The following TOPBP1 variants were observed in gnomAD, a reference collection of about 807,000 sequenced individuals.
The protein encoded by TOPBP1 is DNA topoisomerase 2-binding protein 1.
Under a neutral mutation model 167.7 loss-of-function variants are expected in TOPBP1, and 28 were observed. That is an observed-to-expected ratio of 0.17 (90% CI 0.12 to 0.23). TOPBP1 has a LOEUF of 0.23. TOPBP1 is among the 10% of genes least tolerant of loss of function. TOPBP1 has a pLI of 1.00. For missense variants in TOPBP1, 1,554 were observed against 1,809.6 expected (o/e 0.86, Z 2.56); for synonymous variants, 598 against 611.4 (o/e 0.98, Z 0.32).
chr3:133,627,731 G>A (rs1935312894), intron 16 of TOPBP1, among the ~76,000 whole-genome samples: 1 of 152,276 alleles, frequency 6.6e-6, no homozygotes, highest in South Asian at 2.1e-4. Context: ...GCTAGTGGAG[G>A]AGTACAGTCA....
At chr3:133,650,075 T>C in intron 8 of TOPBP1, 132 bp from the exon 9 acceptor site, 1 of 763,430 alleles carries the variant, frequency 1.3e-6, no homozygotes, top group Middle Eastern at 4.2e-4. Flanking sequence ...AATAAATACA[T>C]TCTGAAACTT....
At chr3:133,655,541 G>T in intron 5 of TOPBP1, 55 bp from the exon 6 acceptor site, 1 of 1,004,794 alleles carries the variant, frequency 1.0e-6, no homozygotes, top group Non-Finnish European at 1.3e-6. Context: ...GAAGAATAAT[G>T]AAAAACAACA....
At position 133,628,662 on chromosome 3, in the gene TOPBP1, T is replaced by C. The variant is rs1328694499; in HGVS notation, c.2592A>G (p.Ser864=). ...GTTGCAAGTTTTTGACAATAACTTCTGAGAGTGGCGTACTCGGTTTCCTTT... is the reference window on the plus strand; with the variant it reads ...GTTGCAAGTTTTTGACAATAACTTCCGAGAGTGGCGTACTCGGTTTCCTTT... The part of the protein sequence containing the change: ...QQKRKPSTPL[S]EVIVKNLQLA... The change falls in exon 15 of 28, where the codon TCA becomes TCG. Residue 864 remains serine (S), a synonymous_variant. Transcript: ENST00000260810. 5.7e-6 allele frequency: 9 copies of C among 1,580,692 alleles called. No individual in the cohort carries two copies. The highest frequency in any genetic ancestry group is 7.7e-6 in the Non-Finnish European group (9 of 1,162,280).
chr3:133,600,595 G>C lies in TOPBP1; in HGVS notation c.*655C>G, dbSNP rs1934256471. The C allele has an allele frequency of 6.6e-6, 1 of 152,630 alleles. No homozygotes were observed. The highest frequency in any genetic ancestry group is 6.5e-5 in the Admixed American group (1 of 15,274). 9.5% of individuals were successfully genotyped at this position (152,630 alleles called of 1,614,324 possible). On this transcript the variant is annotated 3_prime_UTR_variant, in exon 28 of 28. Coordinates refer to ENST00000260810, the MANE Select transcript of TOPBP1 (RefSeq NM_007027.4). ...GTTTTGTTGCTTCAACAGAAGAACA[G>C]ATGCCAGGGTGCTCTTTTAAAAAAT...
chr3:133,657,221 G>C (rs1936504690), intron 4 of TOPBP1, among the ~76,000 whole-genome samples: 1 of 151,392 alleles, frequency 6.6e-6, no homozygotes, highest in African/African-American at 2.4e-5. Context: ...GTGCATGCCT[G>C]TAATTCCAGC....
At chr3:133,622,185 G>GTTT (rs398052284) in intron 19 of TOPBP1, among the ~76,000 whole-genome samples, 3,486 of 106,320 alleles carry the variant, frequency 0.033, 243 homozygotes, top group African/African-American at 0.092. Context: ...CACCATTTAT[G>GTTT]TTTTTTTTTT....
rs1935745633 is a variant in TOPBP1 at position 133,638,179 on chromosome 3, AAAAG to A, written c.2234-21_2234-18del. 1 of 1,608,674 alleles carries A rather than the reference AAAAG, an allele frequency of 6.2e-7. No homozygotes were observed. Among genetic ancestry groups the A allele is most frequent in the Admixed American group, 1.7e-5 (1 of 59,590 alleles). On this transcript the variant is annotated intron_variant, in intron 13 of 27. Transcript: ENST00000260810. ...AACTTCGTTCTAGAGATTTAAAATG[AAAAG>A]AAACAAATATGAGCCACTAATGCCC...
chr3:133,652,339 T>C, intron 8 of TOPBP1, 124 bp downstream of exon 8: 2 of 980,122 alleles, frequency 2.0e-6, no homozygotes, highest in South Asian at 1.5e-5. Context: ...TGCATCTACT[T>C]AGCTAGAGTG....
At chr3:133,661,340 T>C (rs1936706349) in intron 1 of TOPBP1, among the ~76,000 whole-genome samples, 1 of 152,128 alleles carries the variant, frequency 6.6e-6, no homozygotes, top group African/African-American at 2.4e-5. Context: ...TCCTTGCAAA[T>C]CAGACAGCAA....
At chr3:133,615,855 C>T (rs1412760728) in intron 23 of TOPBP1, among the ~76,000 whole-genome samples, 1 of 152,188 alleles carries the variant, frequency 6.6e-6, no homozygotes. Flanking sequence ...AATCCTCCTA[C>T]CTCAGCCCCC....
rs760344240 is a variant in TOPBP1, at chr3:133,640,020, A to C, written c.2172T>G (p.Thr724=). 1.9e-6 allele frequency: 3 copies of C among 1,613,946 alleles called. No homozygotes were observed. Residue 724 remains threonine (T), a synonymous_variant, in exon 13 of 28, where the codon ACT becomes ACG. Coordinates refer to ENST00000260810, the MANE Select transcript of TOPBP1 (RefSeq NM_007027.4). ...CGTCTGCTCTCTTTCCCGTTCTAGC[A>C]GTCTCCAACAGCCAAGCTATAGTAA... ...PAVTIAWLLE[T]ARTGKRADES...
chr3:133,614,344 A>G (rs758750522), intron 23 of TOPBP1, among the ~76,000 whole-genome samples: 25 of 152,188 alleles, frequency 1.6e-4, no homozygotes, highest in Admixed American at 4.6e-4. Flanking sequence ...CAAGAAGGTA[A>G]AATTCCATAT....
At chr3:133,631,513 T>C (rs1935479108) in intron 14 of TOPBP1, among the ~76,000 whole-genome samples, 1 of 152,168 alleles carries the variant, frequency 6.6e-6, no homozygotes, top group Admixed American at 6.5e-5. Context: ...CCTTTTGATA[T>C]GGTTTGGATT....
intron 24 of TOPBP1, among the ~76,000 whole-genome samples, chr3:133,611,708 T>C (rs1005283136): frequency 1.3e-5 from 2 of 152,194 alleles, no homozygotes; most frequent in African/African-American, 2.4e-5. Context: ...CTGGCCATAT[T>C]TGGTTATTTC....
At chr3:133,637,561 C>A (rs1935719986) in intron 14 of TOPBP1, among the ~76,000 whole-genome samples, 1 of 152,120 alleles carries the variant, frequency 6.6e-6, no homozygotes, top group African/African-American at 2.4e-5. Context: ...ATTTTCAGAG[C>A]AAATATTATC....
intron 23 of TOPBP1, among the ~76,000 whole-genome samples, chr3:133,613,456 A>T (rs10512903): frequency 0.14 from 21,290 of 152,238 alleles, 1,831 homozygotes; most frequent in Non-Finnish European, 0.2. Context: ...GCAGTTTTCA[A>T]GCACCGAATA....
In TOPBP1 at chr3:133,601,271, G is replaced by A. The variant is rs1378090489; in HGVS notation, c.4548C>T (p.Ile1516=). ...GCGATTAGTGTACTCTAGGTCGTTT[G>A]ATTTTATTTTTTTCTGTAGGAGCTT... The part of the protein sequence containing the change: ...KRKAPTEKNK[I]KRPRVH The change falls in exon 28 of 28, where the codon ATC becomes ATT. Residue 1516 remains isoleucine (I), a synonymous_variant. Coordinates refer to ENST00000260810, the MANE Select transcript of TOPBP1 (RefSeq NM_007027.4). 6.2e-7 allele frequency: 1 copy of A among 1,604,588 alleles called. No homozygotes were observed. Among genetic ancestry groups the A allele is most frequent in the Admixed American group, 1.7e-5 (1 of 57,618 alleles).
At chr3:133,653,308 T>C in intron 7 of TOPBP1, 37 bp downstream of exon 7, 1 of 1,507,066 alleles carries the variant, frequency 6.6e-7, no homozygotes, top group South Asian at 1.4e-5. Context: ...AATATGACTG[T>C]CTTCAGAATA....
intron 14 of TOPBP1, among the ~76,000 whole-genome samples, chr3:133,637,577 T>C (rs1035697879): frequency 2.6e-5 from 4 of 152,212 alleles, no homozygotes; most frequent in African/African-American, 9.6e-5. Flanking sequence ...TTATCTTCTT[T>C]GTATGAAAAA....
Sources: gnomAD v4.1 joint callset for allele counts (sites outside exome capture counted in the v4.1 genomes callset) on GRCh38, gnomAD v4.1.1 for gene constraint, MANE v1.5 for transcripts, NCBI Gene and HGNC (gene_info 2026-07-23, HGNC 2026-07-21) for gene names.